Variants in BOLA3 observed in about 807,000 individuals in gnomAD.
BOLA3 encodes the protein bolA family member 3, also known as bolA-like protein 3.
BOLA3 carries 8 observed loss-of-function variants against 14.5 expected under a neutral mutation model. The observed-to-expected ratio is 0.55, with a 90% CI of 0.32 to 0.99. The LOEUF (loss-of-function observed/expected upper bound fraction) is 0.99. Ranked by LOEUF, BOLA3 falls within the 50% of genes least tolerant of loss-of-function variation. BOLA3 has a pLI of 0.04. For missense variants in BOLA3, 115 were observed against 138.2 expected, an observed-to-expected ratio of 0.83 and a Z score of 0.84; for synonymous variants, 42 against 45.7, an observed-to-expected ratio of 0.92 and a Z score of 0.33.
chr2:74,138,454 C>T (rs945328859), intron 3 of BOLA3, among the ~76,000 whole-genome samples: 5 of 152,322 alleles, frequency 3.3e-5, no homozygotes, highest in East Asian at 1.9e-4. Context: ...CTGGGGTGGA[C>T]GCACAAGGGC....
intron 3 of BOLA3, among the ~76,000 whole-genome samples, chr2:74,140,434 C>T (rs1029371190): frequency 6.6e-6 from 1 of 152,244 alleles, no homozygotes; most frequent in African/African-American, 2.4e-5. Flanking sequence ...TCTCTGCAAA[C>T]TCTCAAGAAA....
chr2:74,141,544 G>A (rs1692438369), intron 3 of BOLA3, among the ~76,000 whole-genome samples: 1 of 152,058 alleles, frequency 6.6e-6, no homozygotes, highest in Admixed American at 6.5e-5. Flanking sequence ...GGCTGGGAGG[G>A]TGCACGCAGA....
At chr2:74,147,047 G>C (rs553341843) in intron 1 of BOLA3, 1 of 152,638 alleles carries the variant, frequency 6.6e-6, no homozygotes, top group East Asian at 1.9e-4. Flanking sequence ...TAAAGGCAGA[G>C]AGTAACCAGA....
intron 3 of BOLA3, among the ~76,000 whole-genome samples, chr2:74,141,223 C>A (rs901756377): frequency 1.3e-5 from 2 of 152,224 alleles, no homozygotes; most frequent in Admixed American, 6.5e-5. Flanking sequence ...GTAGGGGTCA[C>A]ATCCACTGCA....
At chr2:74,142,785 T>C (rs1247968036) in intron 2 of BOLA3, among the ~76,000 whole-genome samples, 1 of 152,200 alleles carries the variant, frequency 6.6e-6, no homozygotes, top group African/African-American at 2.4e-5. Flanking sequence ...CAATTTGGTT[T>C]GAAAACTGTG....
chr2:74,143,055 C>T (rs879089208), intron 2 of BOLA3, among the ~76,000 whole-genome samples: 7 of 152,218 alleles, frequency 4.6e-5, no homozygotes, highest in Admixed American at 2.6e-4. Context: ...GATAAACACA[C>T]AGCTCTAGCA....
At chr2:74,143,099 T>C (rs1009605225) in intron 2 of BOLA3, among the ~76,000 whole-genome samples, 1 of 151,950 alleles carries the variant, frequency 6.6e-6, no homozygotes, top group African/African-American at 2.4e-5. Context: ...GTCCCCTGCA[T>C]GATTTACAGA....
chr2:74,138,622 G>A (rs1289662507), intron 3 of BOLA3, among the ~76,000 whole-genome samples: 1 of 152,238 alleles, frequency 6.6e-6, no homozygotes, highest in Non-Finnish European at 1.5e-5. Flanking sequence ...ATCACATGAA[G>A]AATGGGCAAT....
rs1167041981 is a variant in BOLA3 at position 74,142,329 on chromosome 2, A to C, written c.201T>G (p.Ile67Met). Residue 67 changes from isoleucine to methionine, a missense_variant, in exon 3 of 4, where the codon ATT becomes ATG. Ile to Met is a conservative substitution (Grantham distance 10). Transcript: ENST00000327428. Reference sequence around the variant, plus strand: ...TCTTCTCCTTAAATTCTTCTGATTCAATTTTAATTTCATACATCGCCCCAC... The same window carrying C: ...TCTTCTCCTTAAATTCTTCTGATTCCATTTTAATTTCATACATCGCCCCAC... ...GGCGAMYEIKIESEEFKEKRT... is the reference protein window; with the variant it reads ...GGCGAMYEIKMESEEFKEKRT... 1 of 1,613,838 alleles carries C rather than the reference A, an allele frequency of 6.2e-7. No homozygotes were observed. Among genetic ancestry groups the C allele is most frequent in the African/African-American group, 1.3e-5 (1 of 74,932 alleles).
rs1033827922 is a variant in BOLA3 at position 74,138,285 on chromosome 2, G to C, written c.259-2627C>G. Among the ~76,000 whole-genome samples the C allele has an allele frequency of 2.0e-5, 3 of 152,228 alleles. No homozygotes were observed. The South Asian group carries it at 6.2e-4, about 32-fold the overall frequency. ...CTGCTATGCCCACAGCACTATAGTA[G>C]GTGCTGGGGACACAGAGGAAAAGGC... is the stretch of plus-strand genomic sequence containing the variant. On this transcript the variant is annotated intron_variant, in intron 3 of 3. Coordinates refer to ENST00000327428, the MANE Select transcript of BOLA3 (RefSeq NM_212552.3).
chr2:74,137,634 C>T (rs950185781), intron 3 of BOLA3, among the ~76,000 whole-genome samples: 7 of 151,884 alleles, frequency 4.6e-5, no homozygotes, highest in African/African-American at 7.3e-5. Context: ...AGCAAACAAG[C>T]GAGTAATGGA....
At chr2:74,143,656 A>G (rs1692488212) in intron 2 of BOLA3, among the ~76,000 whole-genome samples, 1 of 152,058 alleles carries the variant, frequency 6.6e-6, no homozygotes, top group African/African-American at 2.4e-5. Context: ...AGACTCCTGC[A>G]GAGCCCTCAC....
intron 1 of BOLA3, chr2:74,145,572 A>C: frequency 2.0e-6 from 1 of 502,594 alleles, no homozygotes; most frequent in South Asian, 2.1e-5. Flanking sequence ...AACCTAATTC[A>C]AGAGATGTTT....
intron 3 of BOLA3, among the ~76,000 whole-genome samples, chr2:74,141,129 C>T (rs1383139135): frequency 6.6e-6 from 1 of 152,128 alleles, no homozygotes; most frequent in Non-Finnish European, 1.5e-5. Flanking sequence ...TGATTCTGAC[C>T]CCAGAGATCA....
At chr2:74,135,988 C>T (rs542179479) in intron 3 of BOLA3, among the ~76,000 whole-genome samples, 3 of 148,062 alleles carry the variant, frequency 2.0e-5, no homozygotes, top group South Asian at 2.1e-4. Context: ...CTCGCTCTAG[C>T]GCCGAAGTTG....
Position 74,144,989 on chromosome 2 carries a change from C to T in BOLA3, c.169+200G>A, listed in dbSNP as rs549136904. Among the ~76,000 whole-genome samples, 6 of 152,292 alleles carry T rather than the reference C, an allele frequency of 3.9e-5. No individual in the cohort carries two copies. The East Asian group carries it at 1.2e-3, about 29-fold the overall frequency. ...TGAGTCCTCCCAGCTGCGCCTTGTC[C>T]TCAGTTTCCCTCTGATATTTCTGAA... On this transcript the variant is annotated intron_variant, in intron 2 of 3. Coordinates refer to ENST00000327428, the MANE Select transcript of BOLA3 (RefSeq NM_212552.3).
rs757829747 is a variant in BOLA3, at chr2:74,145,263, C to T, written c.95G>A (p.Gly32Glu). Residue 32 changes from glycine (G) to glutamate (E), a missense_variant, in exon 2 of 4, where the codon GGG (glycine) becomes GAG (glutamate). By Grantham distance (98) the Gly-to-Glu change is moderately conservative. Coordinates refer to ENST00000327428, the MANE Select transcript of BOLA3 (RefSeq NM_212552.3). ...GAGAATTTGGGTCACTCTGAGCTCC[C>T]CCTCAGTCTGAGTGGCAAACATCCG... ...HHRMFATQTE[G>E]ELRVTQILKE... 9 of 1,612,200 alleles carry T rather than the reference C, an allele frequency of 5.6e-6. No individual in the cohort carries two copies. The African/African-American group carries it at 1.1e-4, about 19-fold the overall frequency.
rs777653702 is a variant in BOLA3 at position 74,142,370 on chromosome 2, A to T, written c.170-10T>A. ...ATCGCCCCACAACCTCCTAAAATAA[A>T]CATGATTCAAAAGCATTTCAATTAT... On this transcript the variant is annotated splice_polypyrimidine_tract_variant and intron_variant, in intron 2 of 3. Coordinates refer to ENST00000327428, the MANE Select transcript of BOLA3 (RefSeq NM_212552.3). The T allele has an allele frequency of 7.5e-6, 12 of 1,599,300 alleles. No individual in the cohort carries two copies. The highest frequency in any genetic ancestry group is 1.0e-5 in the Non-Finnish European group (12 of 1,167,070).
intron 3 of BOLA3, among the ~76,000 whole-genome samples, chr2:74,139,060 G>T (rs2103643364): frequency 6.6e-6 from 1 of 152,310 alleles, no homozygotes; most frequent in Admixed American, 6.5e-5. Context: ...CCCAAGAGAA[G>T]GCTGACGCAC....
Sources: gnomAD v4.1 joint callset for allele counts (sites outside exome capture counted in the v4.1 genomes callset) on GRCh38, gnomAD v4.1.1 for gene constraint, MANE v1.5 for transcripts, NCBI Gene and HGNC (gene_info 2026-07-23, HGNC 2026-07-21) for gene names.